The following RASGRF2 variants were observed in gnomAD, a reference collection of about 807,000 sequenced individuals.
RASGRF2 encodes the protein ras-specific guanine nucleotide-releasing factor 2.
Under a neutral mutation model 151.0 loss-of-function variants are expected in RASGRF2, and 76 were observed. The observed-to-expected ratio is 0.50, with a 90% CI of 0.42 to 0.61. The LOEUF is 0.61. RASGRF2 is among the 20% of genes least tolerant of loss of function. The probability of loss-of-function intolerance (pLI) is 0.00; values close to 1 mark genes in which losing one functional copy is unlikely to be tolerated. For missense variants in RASGRF2, 1,148 were observed against 1,564.6 expected (o/e 0.73, Z 4.49); for synonymous variants, 504 against 566.5 (o/e 0.89, Z 1.57).
chr5:80,992,985 G>A (rs6860001), intron 1 of RASGRF2, among the ~76,000 whole-genome samples: 2,618 of 152,226 alleles, frequency 0.017, 86 homozygotes, highest in African/African-American at 0.059. Context: ...TTCCTGGGCT[G>A]AGACTCGAAA....
intron 7 of RASGRF2, among the ~76,000 whole-genome samples, chr5:81,082,308 G>T (rs868030647): frequency 3.3e-5 from 5 of 152,100 alleles, no homozygotes; most frequent in South Asian, 2.1e-4. Context: ...CCTTGGAAAG[G>T]TCTTTGGATT....
At chr5:81,061,743 A>G (rs889976218) in intron 2 of RASGRF2, among the ~76,000 whole-genome samples, 1 of 151,896 alleles carries the variant, frequency 6.6e-6, no homozygotes, top group Admixed American at 6.6e-5. Flanking sequence ...CCTGGAGTGC[A>G]GTGGCATGAA....
At chr5:81,103,314 A>G (rs1443038722) in intron 12 of RASGRF2, among the ~76,000 whole-genome samples, 2 of 152,092 alleles carry the variant, frequency 1.3e-5, no homozygotes, top group Admixed American at 6.5e-5. Flanking sequence ...GCTATATTCT[A>G]TATAGCTATA....
chr5:80,988,130 A>G (rs1224081692), intron 1 of RASGRF2, among the ~76,000 whole-genome samples: 1 of 151,220 alleles, frequency 6.6e-6, no homozygotes, highest in African/African-American at 2.4e-5. Flanking sequence ...GGCTCATTGC[A>G]ACCTCCACCT....
At chr5:81,165,896 G>A (rs1360855802) in intron 17 of RASGRF2, among the ~76,000 whole-genome samples, 1 of 44,232 alleles carries the variant, frequency 2.3e-5, no homozygotes, top group African/African-American at 1.9e-4. Flanking sequence ...AACACACCAG[G>A]CCAGACTCCT....
chr5:81,161,236 C>T (rs1172728122), intron 17 of RASGRF2, among the ~76,000 whole-genome samples: 1 of 152,162 alleles, frequency 6.6e-6, no homozygotes, highest in Non-Finnish European at 1.5e-5. Context: ...CATTGCATAA[C>T]TAGTTGGCCA....
At chr5:81,157,869 G>T (rs1305195417) in intron 17 of RASGRF2, among the ~76,000 whole-genome samples, 3 of 152,154 alleles carry the variant, frequency 2.0e-5, no homozygotes, top group Non-Finnish European at 2.9e-5. Context: ...TCCCAATAGG[G>T]TTTATGGGGA....
intron 7 of RASGRF2, among the ~76,000 whole-genome samples, chr5:81,083,890 C>T (rs1314719172): frequency 1.3e-5 from 2 of 152,164 alleles, no homozygotes; most frequent in Non-Finnish European, 2.9e-5. Flanking sequence ...AGTATTTGCT[C>T]CATAATTGAA....
chr5:81,054,997 A>T (rs571735135), intron 2 of RASGRF2, among the ~76,000 whole-genome samples: 19 of 152,318 alleles, frequency 1.2e-4, no homozygotes, highest in South Asian at 1.0e-3. Flanking sequence ...ACTTTGCCGA[A>T]GTTGCTTATC....
chr5:81,101,076 C>T (rs1580314528), intron 12 of RASGRF2, among the ~76,000 whole-genome samples: 1 of 152,206 alleles, frequency 6.6e-6, no homozygotes, highest in African/African-American at 2.4e-5. Context: ...CCAGCCGTTA[C>T]AAACTGAACT....
At chr5:81,209,217 A>G (rs555211628) in intron 22 of RASGRF2, among the ~76,000 whole-genome samples, 2 of 152,268 alleles carry the variant, frequency 1.3e-5, no homozygotes, top group African/African-American at 4.8e-5. Context: ...TCTGTGCAGC[A>G]GTGGCCAGCT....
intron 17 of RASGRF2, among the ~76,000 whole-genome samples, chr5:81,154,941 A>G (rs1247944705): frequency 1.3e-5 from 2 of 152,094 alleles, no homozygotes; most frequent in Non-Finnish European, 2.9e-5. Flanking sequence ...ACTTGCCAGC[A>G]TTTATTATTT....
chr5:81,025,459 C>T (rs757019714), intron 1 of RASGRF2, among the ~76,000 whole-genome samples: 95 of 152,298 alleles, frequency 6.2e-4, no homozygotes, highest in Non-Finnish European at 1.1e-3. Context: ...TGTTGGGGCA[C>T]AGGTGGTGGA....
chr5:81,219,818 A>G (rs746190273), intron 26 of RASGRF2, 40 bp downstream of exon 26: 3 of 1,480,826 alleles, frequency 2.0e-6, no homozygotes, highest in African/African-American at 1.4e-5. Context: ...TAAAGAAAAA[A>G]GGGGAAATTA....
chr5:81,074,463 T>C (rs931256549), intron 5 of RASGRF2, among the ~76,000 whole-genome samples: 1 of 152,178 alleles, frequency 6.6e-6, no homozygotes, highest in South Asian at 2.1e-4. Flanking sequence ...TGTCACCCTG[T>C]CTCTGTCCAC....
chr5:81,061,541 CCT>C (rs1303268524), intron 2 of RASGRF2, among the ~76,000 whole-genome samples: 1 of 149,242 alleles, frequency 6.7e-6, no homozygotes, highest in Non-Finnish European at 1.5e-5. Context: ...AGGATCTCTC[CCT>C]GTTTCCCATG....
chr5:81,171,320 C>T (rs150118689), intron 17 of RASGRF2, among the ~76,000 whole-genome samples: 1,866 of 152,212 alleles, frequency 0.012, 48 homozygotes, highest in African/African-American at 0.042. Context: ...TTTTAAAAAT[C>T]GTTATTATTT....
chr5:81,032,617 C>T (rs933393289), intron 1 of RASGRF2, among the ~76,000 whole-genome samples: 2 of 152,188 alleles, frequency 1.3e-5, no homozygotes, highest in African/African-American at 4.8e-5. Flanking sequence ...TAAAAACTCT[C>T]AATAAACGAG....
chr5:81,179,217 A>G (rs1754856527), intron 17 of RASGRF2, among the ~76,000 whole-genome samples: 1 of 152,254 alleles, frequency 6.6e-6, no homozygotes, highest in South Asian at 2.1e-4. Flanking sequence ...ATTAGCCAGC[A>G]CAGAGAAGAC....
Sources: allele counts gnomAD v4.1 joint callset (sites outside exome capture counted in the v4.1 genomes callset), GRCh38; gene constraint gnomAD v4.1.1; transcripts MANE v1.5; gene names NCBI Gene and HGNC (gene_info 2026-07-23, HGNC 2026-07-21).